Variants in ANK1 observed in about 807,000 individuals in gnomAD.
ANK1 encodes the protein ankyrin-1.
ANK1 carries 51 observed loss-of-function variants against 210.4 expected under a neutral mutation model. That is an observed-to-expected ratio of 0.24 (90% CI 0.19 to 0.31). ANK1 has a LOEUF of 0.31. Ranked by LOEUF, ANK1 falls within the 10% of genes least tolerant of loss-of-function variation. The probability of loss-of-function intolerance (pLI) is 1.00; values close to 1 mark genes in which losing one functional copy is unlikely to be tolerated. For missense variants in ANK1, 2,051 were observed against 2,504.4 expected (o/e 0.82, Z 3.86); for synonymous variants, 967 against 1,025.9 (o/e 0.94, Z 1.10).
At chr8:41,728,027 G>C (rs182088288) in intron 3 of ANK1, 21 bp from the exon 4 acceptor site, 2 of 1,611,936 alleles carry the variant, frequency 1.2e-6, no homozygotes, top group African/African-American at 2.7e-5. Flanking sequence ...TGGGGGAAGG[G>C]AACAGAGGCG....
rs543769110 is a variant in ANK1 at position 41,688,411 on chromosome 8, C to T, written c.4183+100G>A. The T allele has an allele frequency of 2.5e-5, 37 of 1,482,396 alleles. No homozygotes were observed. In the African/African-American group the frequency reaches 3.3e-4, roughly 13 times the overall value. 91.8% of individuals were successfully genotyped at this position (1,482,396 alleles called of 1,614,324 possible). ...CTGCTTTTGGAACTGGCTGAGCGAG[C>T]GGCACCTCAGCAGAACCCTCACAGG... On this transcript the variant is annotated intron_variant, in intron 34 of 42. Transcript: ENST00000289734.
At chr8:41,844,387 C>T (rs1239186325) in intron 1 of ANK1, among the ~76,000 whole-genome samples, 2 of 152,166 alleles carry the variant, frequency 1.3e-5, no homozygotes, top group African/African-American at 4.8e-5. Context: ...ACCCTCTGTA[C>T]CTCTCGGCCC....
chr8:41,850,761 C>A (rs1431128753), intron 1 of ANK1, among the ~76,000 whole-genome samples: 1 of 152,236 alleles, frequency 6.6e-6, no homozygotes, highest in Non-Finnish European at 1.5e-5. Flanking sequence ...GGATTACAAG[C>A]ATGAGCTACC....
intron 1 of ANK1, among the ~76,000 whole-genome samples, chr8:41,838,968 T>C (rs994491151): frequency 1.3e-5 from 2 of 150,830 alleles, no homozygotes; most frequent in South Asian, 2.1e-4. Flanking sequence ...TCTCAGCTAC[T>C]TGGGAGGCTG....
At chr8:41,850,293 G>A (rs1482541440) in intron 1 of ANK1, among the ~76,000 whole-genome samples, 1 of 151,944 alleles carries the variant, frequency 6.6e-6, no homozygotes, top group Non-Finnish European at 1.5e-5. Flanking sequence ...CTTAAGTGGG[G>A]CTAACGGTGA....
At chr8:41,678,697 A>T (rs1814988534) in intron 37 of ANK1, among the ~76,000 whole-genome samples, 1 of 152,262 alleles carries the variant, frequency 6.6e-6, no homozygotes, top group South Asian at 2.1e-4. Flanking sequence ...CCTTTAAAAA[A>T]TATCTTCCAT....
At chr8:41,860,586 C>T (rs1029600587) in intron 1 of ANK1, among the ~76,000 whole-genome samples, 1 of 152,118 alleles carries the variant, frequency 6.6e-6, no homozygotes, top group Non-Finnish European at 1.5e-5. Context: ...TCAGGTTCCT[C>T]ATCTGAAAAA....
intron 35 of ANK1, among the ~76,000 whole-genome samples, 188 bp downstream of exon 35, chr8:41,687,968 A>AG (rs1331432225): frequency 6.6e-6 from 1 of 152,252 alleles, no homozygotes; most frequent in African/African-American, 2.4e-5. Flanking sequence ...AGATGGAGGC[A>AG]GGGGGCTCCC....
At chr8:41,814,017 CA>C (rs1452865765) in intron 1 of ANK1, among the ~76,000 whole-genome samples, 1 of 152,192 alleles carries the variant, frequency 6.6e-6, no homozygotes, top group East Asian at 1.9e-4. Flanking sequence ...TGTCCTGTTA[CA>C]AGAACAGATT....
In ANK1 at chr8:41,715,020, C is replaced by G; in HGVS notation, c.1657G>C (p.Glu553Gln). The change falls in exon 15 of 43, where the codon GAG (glutamate) becomes CAG (glutamine). Residue 553 changes from glutamate to glutamine, a missense_variant. By Grantham distance (29) the Glu-to-Gln change is conservative (BLOSUM62 2). Coordinates refer to ENST00000289734, the MANE Select transcript of ANK1 (RefSeq NM_000037.4). ...TGTGCGTCCCGCTCCAGCAGCAGCTCTGCCACCCGCACCTTCCCGTACTTG... is the reference window on the plus strand; with the variant it reads ...TGTGCGTCCCGCTCCAGCAGCAGCTGTGCCACCCGCACCTTCCCGTACTTG... ...AAKYGKVRVAELLLERDAHPN... is the reference protein window; with the variant it reads ...AAKYGKVRVAQLLLERDAHPN... 9 of 1,614,146 alleles carry G rather than the reference C, an allele frequency of 5.6e-6. No individual in the cohort carries two copies. Among genetic ancestry groups the G allele is most frequent in the African/African-American group, 1.3e-5 (1 of 75,046 alleles).
chr8:41,792,222 A>G (rs1847886249), intron 1 of ANK1, among the ~76,000 whole-genome samples: 1 of 152,184 alleles, frequency 6.6e-6, no homozygotes, highest in African/African-American at 2.4e-5. Flanking sequence ...ACTTCTCACT[A>G]GATTTCTAAT....
chr8:41,846,931 G>A (rs938060686), intron 1 of ANK1, among the ~76,000 whole-genome samples: 18 of 152,046 alleles, frequency 1.2e-4, no homozygotes, highest in African/African-American at 3.6e-4. Context: ...CTCACAACCC[G>A]AACACCTCGG....
chr8:41,748,553 T>A (rs1836754605), intron 2 of ANK1, among the ~76,000 whole-genome samples: 1 of 152,178 alleles, frequency 6.6e-6, no homozygotes, highest in Admixed American at 6.5e-5. Context: ...TGCAGTCTGT[T>A]CCTTCTCACA....
intron 16 of ANK1, among the ~76,000 whole-genome samples, chr8:41,713,695 G>A (rs554190294): frequency 1.1e-4 from 17 of 152,200 alleles, no homozygotes; most frequent in Non-Finnish European, 1.8e-4. Context: ...CTCAAAGTAC[G>A]GTCGCTGTGG....
At chr8:41,718,980 C>T (rs1348509981) in intron 10 of ANK1, among the ~76,000 whole-genome samples, 1 of 152,184 alleles carries the variant, frequency 6.6e-6, no homozygotes, top group Non-Finnish European at 1.5e-5. Context: ...CTTTTTTGAG[C>T]GAGTGAGTGA....
intron 1 of ANK1, among the ~76,000 whole-genome samples, chr8:41,834,609 G>C (rs765267714): frequency 4.6e-5 from 7 of 152,232 alleles, no homozygotes; most frequent in Non-Finnish European, 8.8e-5. Context: ...GACCTGCTGA[G>C]GGAGGTTCTC....
chr8:41,803,714 T>C (rs1389539884), intron 1 of ANK1, among the ~76,000 whole-genome samples: 3 of 152,032 alleles, frequency 2.0e-5, no homozygotes, highest in African/African-American at 7.2e-5. Context: ...ATCTTTTTAT[T>C]AGTTAAGGAA....
At chr8:41,735,012 CAAACA>C (rs1410776286) in intron 2 of ANK1, among the ~76,000 whole-genome samples, 2 of 152,202 alleles carry the variant, frequency 1.3e-5, no homozygotes, top group Non-Finnish European at 2.9e-5. Flanking sequence ...AACAAACAAA[CAAACA>C]AAACACATTT....
At chr8:41,837,207 G>C (rs1324937939) in intron 1 of ANK1, among the ~76,000 whole-genome samples, 2 of 152,160 alleles carry the variant, frequency 1.3e-5, no homozygotes, top group Admixed American at 1.3e-4. Context: ...ATGCAGGAGA[G>C]CTTTATAGCT....
Sources: gnomAD v4.1 joint callset for allele counts (sites outside exome capture counted in the v4.1 genomes callset) on GRCh38, gnomAD v4.1.1 for gene constraint, MANE v1.5 for transcripts, NCBI Gene and HGNC (gene_info 2026-07-23, HGNC 2026-07-21) for gene names.